Variants in CAPN15 observed in about 807,000 individuals in gnomAD.
CAPN15 encodes calpain 15.
A neutral mutation model predicts 97.9 loss-of-function variants in CAPN15; 53 were observed. That is an observed-to-expected ratio of 0.54 (90% confidence interval 0.43 to 0.68). CAPN15 has a LOEUF of 0.68. CAPN15 is among the 30% of genes least tolerant of loss of function. CAPN15 has a pLI of 0.00. For missense variants in CAPN15, 1,592 were observed against 1,589.8 expected, an observed-to-expected ratio of 1.00 and a Z score of -0.02; for synonymous variants, 922 against 722.5, an observed-to-expected ratio of 1.28 and a Z score of -4.43.
chr16:537,434 G>A (rs2033810046), intron 3 of CAPN15: 1 of 985,620 alleles, frequency 1.0e-6, no homozygotes, highest in African/African-American at 1.7e-5. Context: ...GGTGCCACGT[G>A]GGTGAGTGCG....
intron 3 of CAPN15, chr16:538,316 C>T (rs1010935): frequency 1.6e-4 from 24 of 151,618 alleles, no homozygotes; most frequent in Admixed American, 5.9e-4. Context: ...GATTTTTTTC[C>T]AACCATTTAA....
chr16:542,794 C>A (rs981375221), intron 3 of CAPN15, among the ~76,000 whole-genome samples: 3 of 152,142 alleles, frequency 2.0e-5, no homozygotes, highest in Non-Finnish European at 2.9e-5. Flanking sequence ...TAGCTCACGC[C>A]TGTAATCCCA....
At chr16:543,015 C>A (rs948952286) in intron 3 of CAPN15, among the ~76,000 whole-genome samples, 1 of 152,122 alleles carries the variant, frequency 6.6e-6, no homozygotes, top group African/African-American at 2.4e-5. Context: ...TGCACCACTG[C>A]ACTCCAGTGT....
At chr16:544,137 G>A (rs767672194) in intron 3 of CAPN15, among the ~76,000 whole-genome samples, 12 of 152,288 alleles carry the variant, frequency 7.9e-5, no homozygotes, top group African/African-American at 1.2e-4. Flanking sequence ...GACCGGCGCC[G>A]GGCTGTGGCC....
intron 2 of CAPN15, among the ~76,000 whole-genome samples, chr16:534,296 C>T (rs943653026): frequency 5.7e-5 from 2 of 34,974 alleles, no homozygotes; most frequent in East Asian, 8.9e-3. Flanking sequence ...TGGAGCTCCC[C>T]ATCCCCACGG....
Position 552,029 on chromosome 16 carries a change from C to T in CAPN15, c.2346-22C>T, listed in dbSNP as rs1200910874. 6.5e-6 allele frequency: 10 copies of T among 1,546,336 alleles called. No individual in the cohort carries two copies. In the African/African-American group the frequency reaches 8.2e-5, roughly 13 times the overall value. On this transcript the variant is annotated intron_variant, in intron 9 of 13. Coordinates refer to ENST00000219611, the MANE Select transcript of CAPN15 (RefSeq NM_005632.3). The surrounding 1 kb of genome is among the most constrained non-coding windows in gnomAD (Gnocchi z 6.4). ...GTGTGGGCCGTGGTAGGCTCAGGGCCCCGTCCTCCCGCCACCTGCAGGTAC... is the reference window on the plus strand; with the variant it reads ...GTGTGGGCCGTGGTAGGCTCAGGGCTCCGTCCTCCCGCCACCTGCAGGTAC...
intron 3 of CAPN15, among the ~76,000 whole-genome samples, chr16:536,364 C>T (rs2033725664): frequency 6.6e-6 from 1 of 152,194 alleles, no homozygotes; most frequent in African/African-American, 2.4e-5. Context: ...TGGGGCCCTC[C>T]CATCGGAGTC....
At chr16:546,653 G>A (rs933214015) in intron 3 of CAPN15, among the ~76,000 whole-genome samples, 164 bp from the exon 4 acceptor site, 4 of 152,258 alleles carry the variant, frequency 2.6e-5, no homozygotes, top group East Asian at 3.9e-4. Context: ...TCCATTCTGG[G>A]TGGAGGCAGC....
chr16:537,210 G>C (rs1228539226), intron 3 of CAPN15: 1 of 985,410 alleles, frequency 1.0e-6, no homozygotes, highest in African/African-American at 1.7e-5. Context: ...CCTCCCTCCT[G>C]TCCAGATGGG....
intron 3 of CAPN15, among the ~76,000 whole-genome samples, chr16:540,629 C>T (rs1567141549): frequency 1.3e-5 from 2 of 152,254 alleles, no homozygotes; most frequent in Non-Finnish European, 1.5e-5. Flanking sequence ...TGCTGCTCCA[C>T]GCAGAGAAGC....
rs568764670 is a variant in CAPN15 at position 546,821 on chromosome 16, A to G, written c.-18A>G. On this transcript the variant is annotated 5_prime_UTR_variant, in exon 4 of 14. Coordinates refer to ENST00000219611, the MANE Select transcript of CAPN15 (RefSeq NM_005632.3). ...GATGAGCACCTTCCCTTGCAGCCAC[A>G]CCCACTCGCCCGGGTCTATGGCCAC... 6.3e-7 allele frequency: 1 copy of G among 1,583,696 alleles called. No homozygotes were observed. The highest frequency in any genetic ancestry group is 1.3e-5 in the African/African-American group (1 of 74,612).
intron 1 of CAPN15, among the ~76,000 whole-genome samples, chr16:529,705 A>T (rs1407650117): frequency 6.6e-6 from 1 of 152,162 alleles, no homozygotes; most frequent in Non-Finnish European, 1.5e-5. Context: ...AGGCGTGGAC[A>T]GGTGCTGAGA....
chr16:543,663 T>C (rs1018302059), intron 3 of CAPN15, among the ~76,000 whole-genome samples: 2 of 152,098 alleles, frequency 1.3e-5, no homozygotes, highest in Admixed American at 6.5e-5. Context: ...ACCCCCAGGC[T>C]AGAGATGGGC....
At chr16:548,360 T>C in intron 4 of CAPN15, 73 bp downstream of exon 4, 2 of 1,368,854 alleles carry the variant, frequency 1.5e-6, no homozygotes, top group Non-Finnish European at 1.9e-6. Flanking sequence ...GGCTTTGGGC[T>C]CTGGCGATGG....
rs2035071677 is a variant in CAPN15, at chr16:551,445, G to T, written c.2192+18G>T. The T allele has an allele frequency of 6.2e-7, 1 of 1,602,078 alleles. No individual in the cohort carries two copies. The highest frequency in any genetic ancestry group is 1.7e-5 in the Admixed American group (1 of 59,754). On this transcript the variant is annotated intron_variant, in intron 8 of 13. Transcript: ENST00000219611. The stretch of plus-strand genomic sequence containing the variant: ...GGCACCAGGTAGGGCCGGCCTGGCT[G>T]AGGGTGGGTGGGGTGCCGGTGAGAC...
chr16:550,797 C>T (rs866365350), intron 7 of CAPN15, among the ~76,000 whole-genome samples: 1 of 137,492 alleles, frequency 7.3e-6, no homozygotes, highest in Non-Finnish European at 1.5e-5. Flanking sequence ...GTGAGGGTCC[C>T]GGTCGGTGAG....
Position 554,426 on chromosome 16 carries a change from G to A in CAPN15, c.*910G>A, listed in dbSNP as rs755404759. The stretch of plus-strand genomic sequence containing the variant: ...CCCTCCTACCCCGGCAGGGGCTTCC[G>A]GGGCCTTTTCACCTGGAGAAACATT... On this transcript the variant is annotated 3_prime_UTR_variant, in exon 14 of 14. Transcript: ENST00000219611. 6 of 441,402 alleles carry A rather than the reference G, an allele frequency of 1.4e-5. No homozygotes were observed. Among genetic ancestry groups the A allele is most frequent in the Middle Eastern group, 7.1e-4 (1 of 1,414 alleles). The allele number at this position is 441,402 out of a possible 1,614,324, so 27.3% of individuals were successfully genotyped here.
In CAPN15 at chr16:548,999, G is replaced by A. The variant is rs2034803328; in HGVS notation, c.1456G>A (p.Val486Met). The A allele has an allele frequency of 6.2e-7, 1 of 1,612,692 alleles. No homozygotes were observed. The highest frequency in any genetic ancestry group is 8.5e-7 in the Non-Finnish European group (1 of 1,179,912). The change falls in exon 5 of 14, where the codon GTG becomes ATG. Residue 486 changes from valine to methionine, a missense_variant. This residue lies in a region of CAPN15 where 883 missense variants were observed against 776.6 expected (regional missense o/e 1.14). Coordinates refer to ENST00000219611, the MANE Select transcript of CAPN15 (RefSeq NM_005632.3). The part of the protein sequence containing the change: ...NIVAFCRENN[V>M]SFVDDSFPPG... ...ATGGCCGTGGTCTCTGCAGAACAAT[G>A]TGAGCTTCGTGGATGACAGCTTCCC...
In CAPN15 at chr16:549,008, G is replaced by T. The variant is rs748393081; in HGVS notation, c.1465G>T (p.Val489Leu). Residue 489 changes from valine (V) to leucine (L), a missense_variant, in exon 5 of 14, where the codon GTG becomes TTG. Val to Leu is a conservative substitution (Grantham distance 32). Transcript: ENST00000219611. ...GTCTCTGCAGAACAATGTGAGCTTCGTGGATGACAGCTTCCCTCCCGGGCC... is the reference window on the plus strand; with the variant it reads ...GTCTCTGCAGAACAATGTGAGCTTCTTGGATGACAGCTTCCCTCCCGGGCC... ...AFCRENNVSF[V>L]DDSFPPGPES... 1 of 1,612,598 alleles carries T rather than the reference G, an allele frequency of 6.2e-7. No homozygotes were observed. The highest frequency in any genetic ancestry group is 1.3e-5 in the African/African-American group (1 of 74,934).
Sources: allele counts gnomAD v4.1 joint callset (sites outside exome capture counted in the v4.1 genomes callset), GRCh38; gene constraint gnomAD v4.1.1; regional missense constraint gnomAD v4.1.1; non-coding constraint Gnocchi (gnomAD v3.1); transcripts MANE v1.5; gene names NCBI Gene and HGNC (gene_info 2026-07-23, HGNC 2026-07-21).